The following ZNF804B variants were observed in gnomAD, a reference collection of about 807,000 sequenced individuals.
ZNF804B encodes zinc finger 804B.
ZNF804B carries 80 observed loss-of-function variants against 101.4 expected under a neutral mutation model. That is an observed-to-expected ratio of 0.79 (90% CI 0.66 to 0.95). The LOEUF (loss-of-function observed/expected upper bound fraction) is 0.95, where lower values mean the gene tolerates loss of function less well. ZNF804B is among the 40% of genes least tolerant of loss of function. The pLI, the probability that ZNF804B is intolerant of heterozygous loss-of-function variation, is 0.00. For synonymous variants in ZNF804B, 622 were observed against 558.8 expected, an observed-to-expected ratio of 1.11 and a Z score of -1.59; for missense variants, 1,673 against 1,561.9, an observed-to-expected ratio of 1.07 and a Z score of -1.20.
intron 1 of ZNF804B, among the ~76,000 whole-genome samples, chr7:89,107,206 T>A: frequency 6.6e-6 from 1 of 152,172 alleles, no homozygotes; most frequent in East Asian, 1.9e-4. Flanking sequence ...GTGGAGTAGT[T>A]TATTATTCTT....
chr7:88,876,711 T>C (rs1462255532), intron 1 of ZNF804B, among the ~76,000 whole-genome samples: 1 of 152,044 alleles, frequency 6.6e-6, no homozygotes, highest in Admixed American at 6.6e-5. Context: ...GTAAACTCCT[T>C]GAAAACATGG....
chr7:89,304,936 A>G (rs1584115427), intron 2 of ZNF804B, among the ~76,000 whole-genome samples: 1 of 151,914 alleles, frequency 6.6e-6, no homozygotes, highest in Non-Finnish European at 1.5e-5. Context: ...AGAATAAAAT[A>G]TTTTCACCTA....
intron 1 of ZNF804B, among the ~76,000 whole-genome samples, chr7:89,073,605 G>A (rs1009053675): frequency 6.6e-6 from 1 of 152,048 alleles, no homozygotes; most frequent in South Asian, 2.1e-4. Context: ...ATATTCATAA[G>A]TAAAATTAGT....
chr7:88,912,850 C>T (rs1792569489), intron 1 of ZNF804B, among the ~76,000 whole-genome samples: 1 of 151,950 alleles, frequency 6.6e-6, no homozygotes, highest in Non-Finnish European at 1.5e-5. Context: ...ATATTGTGCG[C>T]ATTAATATTG....
At chr7:88,763,139 A>T (rs1182725959) in intron 1 of ZNF804B, among the ~76,000 whole-genome samples, 3 of 152,168 alleles carry the variant, frequency 2.0e-5, no homozygotes, top group African/African-American at 7.2e-5. Context: ...TTCTTCAATT[A>T]TATAGGTAAA....
chr7:88,964,280 A>G (rs1793426625), intron 1 of ZNF804B, among the ~76,000 whole-genome samples: 1 of 151,486 alleles, frequency 6.6e-6, no homozygotes, highest in Non-Finnish European at 1.5e-5. Flanking sequence ...GAAATTACCC[A>G]AATGTCTATC....
intron 1 of ZNF804B, among the ~76,000 whole-genome samples, chr7:88,808,742 T>C (rs1017871045): frequency 1.3e-5 from 2 of 152,142 alleles, no homozygotes; most frequent in Non-Finnish European, 2.9e-5. Context: ...ACTCAACATA[T>C]CAGATTTAGT....
intron 1 of ZNF804B, among the ~76,000 whole-genome samples, chr7:89,191,156 C>T (rs1430631194): frequency 6.6e-6 from 1 of 151,850 alleles, no homozygotes; most frequent in Admixed American, 6.6e-5. Flanking sequence ...AAAACAAATA[C>T]CCAAACTAAA....
At chr7:88,922,626 T>TATAC (rs57940902) in intron 1 of ZNF804B, among the ~76,000 whole-genome samples, 3,737 of 84,046 alleles carry the variant, frequency 0.044, 140 homozygotes, top group African/African-American at 0.15. Context: ...TATATATATA[T>TATAC]ACACACACAC....
At chr7:89,316,452 G>C (rs1295000150) in intron 2 of ZNF804B, among the ~76,000 whole-genome samples, 1 of 151,920 alleles carries the variant, frequency 6.6e-6, no homozygotes, top group Non-Finnish European at 1.5e-5. Flanking sequence ...TATACCCGGG[G>C]TCCCCAACCC....
At chr7:88,890,065 TGAC>T (rs1418179824) in intron 1 of ZNF804B, among the ~76,000 whole-genome samples, 1 of 152,090 alleles carries the variant, frequency 6.6e-6, no homozygotes, top group Non-Finnish European at 1.5e-5. Context: ...AAAATTATAT[TGAC>T]AATAAGTTAT....
rs561180224 is a variant in ZNF804B at position 88,847,494 on chromosome 7, A to C, written c.108+87410A>C. On this transcript the variant is annotated intron_variant, in intron 1 of 3. Transcript: ENST00000333190. ...ATTATTAAAATATAAAATAAAAGGA[A>C]ATTTTTAATAAACTTGGAATAATGT... 8.5e-5 allele frequency among the ~76,000 whole-genome samples: 13 copies of C among 152,220 alleles called. No individual in the cohort carries two copies. In the South Asian group the frequency reaches 2.7e-3, roughly 32 times the overall value.
chr7:88,877,026 A>ATATATAT (rs1491138122), intron 1 of ZNF804B, among the ~76,000 whole-genome samples: 17 of 41,096 alleles, frequency 4.1e-4, no homozygotes, highest in African/African-American at 1.3e-3. Flanking sequence ...ATATATATAT[A>ATATATAT]ATATATATAT....
intron 1 of ZNF804B, among the ~76,000 whole-genome samples, chr7:89,189,066 A>G (rs1788416615): frequency 6.6e-6 from 1 of 152,124 alleles, no homozygotes; most frequent in Non-Finnish European, 1.5e-5. Context: ...AATTCCTAAC[A>G]GGGGATAATG....
At chr7:89,242,857 G>A (rs1789391420) in intron 2 of ZNF804B, among the ~76,000 whole-genome samples, 1 of 151,768 alleles carries the variant, frequency 6.6e-6, no homozygotes, top group Non-Finnish European at 1.5e-5. Flanking sequence ...ATAAAAGGTT[G>A]AATAATGTGT....
intron 2 of ZNF804B, among the ~76,000 whole-genome samples, chr7:89,278,240 C>T (rs1407534157): frequency 6.6e-6 from 1 of 151,912 alleles, no homozygotes; most frequent in Non-Finnish European, 1.5e-5. Flanking sequence ...ATTATAGATT[C>T]TGGATATTAA....
chr7:89,261,024 G>C (rs986527131), intron 2 of ZNF804B, among the ~76,000 whole-genome samples: 2 of 152,134 alleles, frequency 1.3e-5, no homozygotes, highest in African/African-American at 2.4e-5. Flanking sequence ...CTGTAGACAG[G>C]AACTGCTCAA....
chr7:89,237,341 A>G (rs558539863), intron 2 of ZNF804B, among the ~76,000 whole-genome samples: 2 of 152,192 alleles, frequency 1.3e-5, no homozygotes, highest in African/African-American at 2.4e-5. Context: ...CCCTAGTCCA[A>G]TCACTTTTTA....
chr7:89,208,409 G>A (rs1174314737), intron 1 of ZNF804B, among the ~76,000 whole-genome samples: 2 of 152,150 alleles, frequency 1.3e-5, no homozygotes, highest in Non-Finnish European at 2.9e-5. Flanking sequence ...AAGCAACTCT[G>A]CAAAACAATC....
Sources: gnomAD v4.1 joint callset for allele counts (sites outside exome capture counted in the v4.1 genomes callset) on GRCh38, gnomAD v4.1.1 for gene constraint, MANE v1.5 for transcripts, NCBI Gene and HGNC (gene_info 2026-07-23, HGNC 2026-07-21) for gene names.